PLEKHA5: variants seen among roughly 807,000 people sequenced by gnomAD.
The protein encoded by PLEKHA5 is pleckstrin homology domain containing A5, also known as pleckstrin homology domain-containing family A member 5.
Under a neutral mutation model 181.9 loss-of-function variants are expected in PLEKHA5, and 55 were observed. That is an observed-to-expected ratio of 0.30 (90% CI 0.24 to 0.38). PLEKHA5 has a LOEUF of 0.38. Among genes scored for constraint, PLEKHA5 ranks in the 10% least tolerant of loss-of-function variants. The pLI is 1.00. For synonymous variants in PLEKHA5, 535 were observed against 529.4 expected (o/e 1.01, Z -0.15); for missense variants, 1,432 against 1,549.5 (o/e 0.92, Z 1.27).
intron 31 of PLEKHA5, among the ~76,000 whole-genome samples, chr12:19,370,422 A>G (rs2095545699): frequency 6.6e-6 from 1 of 152,204 alleles, no homozygotes; most frequent in Admixed American, 6.5e-5. Context: ...AGTTTCCTGA[A>G]TTCTTACTTT....
chr12:19,256,189 A>G (rs2066836709), intron 5 of PLEKHA5, among the ~76,000 whole-genome samples: 2 of 152,184 alleles, frequency 1.3e-5, no homozygotes, highest in African/African-American at 4.8e-5. Context: ...CCTCATCCAT[A>G]ATATGAAAAA....
intron 3 of PLEKHA5, among the ~76,000 whole-genome samples, chr12:19,133,796 T>C (rs1039509776): frequency 2.0e-5 from 3 of 152,010 alleles, no homozygotes; most frequent in Non-Finnish European, 4.4e-5. Context: ...GATTATACTA[T>C]ACATTATTAG....
At chr12:19,277,922 G>A (rs939605255) in intron 11 of PLEKHA5, among the ~76,000 whole-genome samples, 1 of 152,132 alleles carries the variant, frequency 6.6e-6, no homozygotes, top group African/African-American at 2.4e-5. Flanking sequence ...ACAGGGAAAG[G>A]GCTTTTATGG....
At chr12:19,202,412 C>T (rs766045926) in intron 3 of PLEKHA5, among the ~76,000 whole-genome samples, 1 of 152,074 alleles carries the variant, frequency 6.6e-6, no homozygotes, top group African/African-American at 2.4e-5. Context: ...AGGCTGTGAA[C>T]TGGTGAGCAT....
chr12:19,290,842 A>G (rs1465017548), intron 14 of PLEKHA5, 46 bp downstream of exon 14: 1 of 1,486,376 alleles, frequency 6.7e-7, no homozygotes, highest in Non-Finnish European at 9.0e-7. Flanking sequence ...ATCATCTCTT[A>G]TTTTGAAACA....
chr12:19,139,336 A>G (rs1565857259), intron 3 of PLEKHA5, among the ~76,000 whole-genome samples: 1 of 152,124 alleles, frequency 6.6e-6, no homozygotes, highest in African/African-American at 2.4e-5. Context: ...TTGAGAGGAC[A>G]TAGCATTTCA....
At chr12:19,144,911 G>T (rs577484841) in intron 3 of PLEKHA5, among the ~76,000 whole-genome samples, 48 of 152,238 alleles carry the variant, frequency 3.2e-4, no homozygotes, top group African/African-American at 1.1e-3. Context: ...AGTAAATTTA[G>T]TCTTGATCTT....
chr12:19,335,133 A>G (rs1254029887), intron 20 of PLEKHA5, among the ~76,000 whole-genome samples: 1 of 147,578 alleles, frequency 6.8e-6, no homozygotes, highest in East Asian at 2.1e-4. Flanking sequence ...GGCTCAAGCA[A>G]TCCTCCCACC....
In PLEKHA5 at chr12:19,358,236, A is replaced by G; in HGVS notation, c.3147A>G (p.Pro1049=). The change falls in exon 27 of 32, where the codon CCA becomes CCG. Residue 1049 remains proline, a synonymous_variant. Coordinates refer to ENST00000429027, the MANE Select transcript of PLEKHA5 (RefSeq NM_001256470.2). Reference sequence around the variant, plus strand: ...TCATTTTTACATTGAAGGAAAGACCAAGAAGTGCAGTGGAACAGCTCTGTT... The same window carrying G: ...TCATTTTTACATTGAAGGAAAGACCGAGAAGTGCAGTGGAACAGCTCTGTT... ...KKMMDLRTER[P]RSAVEQLCLA... The G allele has an allele frequency of 6.2e-7, 1 of 1,612,146 alleles. No homozygotes were observed.
At chr12:19,250,169 G>A (rs1194625637) in intron 3 of PLEKHA5, among the ~76,000 whole-genome samples, 4 of 152,184 alleles carry the variant, frequency 2.6e-5, no homozygotes, top group Non-Finnish European at 5.9e-5. Context: ...AAGTCTGGAA[G>A]TAAGAGTAGG....
chr12:19,347,290 C>A, intron 24 of PLEKHA5, 108 bp downstream of exon 24: 1 of 533,450 alleles, frequency 1.9e-6, no homozygotes, highest in Non-Finnish European at 3.0e-6. Context: ...CCTTTATAAC[C>A]TCATTTTTGG....
At chr12:19,280,714 T>A (rs1405057719) in intron 11 of PLEKHA5, among the ~76,000 whole-genome samples, 3 of 151,802 alleles carry the variant, frequency 2.0e-5, no homozygotes, top group African/African-American at 7.3e-5. Context: ...GATGAATACT[T>A]GTAATTTAAT....
intron 25 of PLEKHA5, among the ~76,000 whole-genome samples, chr12:19,349,741 A>G (rs898117046): frequency 5.8e-5 from 7 of 120,810 alleles, no homozygotes; most frequent in Non-Finnish European, 1.1e-4. Flanking sequence ...CCAGAAACAG[A>G]AAAAAAAAAA....
At chr12:19,224,695 T>C (rs141159412) in intron 3 of PLEKHA5, among the ~76,000 whole-genome samples, 31 of 152,306 alleles carry the variant, frequency 2.0e-4, no homozygotes, top group Admixed American at 2.0e-3. Context: ...CTTAAAGCAT[T>C]TTCAATGACC....
intron 20 of PLEKHA5, among the ~76,000 whole-genome samples, chr12:19,323,509 A>G (rs1001671429): frequency 2.6e-5 from 4 of 151,688 alleles, no homozygotes; most frequent in Admixed American, 1.3e-4. Flanking sequence ...GTCTCAATCA[A>G]TCAATCAATA....
intron 3 of PLEKHA5, among the ~76,000 whole-genome samples, chr12:19,184,793 T>G (rs1668119810): frequency 6.6e-6 from 1 of 152,152 alleles, no homozygotes; most frequent in African/African-American, 2.4e-5. Flanking sequence ...GAAATGAATA[T>G]TTGAGAGTTA....
At chr12:19,266,196 G>A (rs902020727) in intron 8 of PLEKHA5, among the ~76,000 whole-genome samples, 1 of 151,978 alleles carries the variant, frequency 6.6e-6, no homozygotes, top group Non-Finnish European at 1.5e-5. Context: ...TAATAAATTT[G>A]GGGTCTGGGC....
intron 20 of PLEKHA5, among the ~76,000 whole-genome samples, chr12:19,322,881 C>A (rs1364075094): frequency 6.6e-6 from 1 of 152,054 alleles, no homozygotes; most frequent in Non-Finnish European, 1.5e-5. Context: ...GAGACAAGGT[C>A]TCACTCTGTC....
intron 3 of PLEKHA5, among the ~76,000 whole-genome samples, chr12:19,141,516 C>T (rs1457750646): frequency 6.6e-6 from 1 of 152,098 alleles, no homozygotes; most frequent in Non-Finnish European, 1.5e-5. Flanking sequence ...GTGCAAAATG[C>T]CTAAAGGCCA....
Sources: gnomAD v4.1 joint callset for allele counts (sites outside exome capture counted in the v4.1 genomes callset) on GRCh38, gnomAD v4.1.1 for gene constraint, MANE v1.5 for transcripts, NCBI Gene and HGNC (gene_info 2026-07-23, HGNC 2026-07-21) for gene names.